MACROD2: variants seen among roughly 807,000 people sequenced by gnomAD.
MACROD2 encodes the protein mono-ADP ribosylhydrolase 2, also known as ADP-ribose glycohydrolase MACROD2.
MACROD2 carries 36 observed loss-of-function variants against 70.4 expected under a neutral mutation model. The observed-to-expected ratio is 0.51, with a 90% CI of 0.39 to 0.68. MACROD2 has a LOEUF of 0.68. Among genes scored for constraint, MACROD2 ranks in the 30% least tolerant of loss-of-function variants. The pLI is 0.00. For synonymous variants in MACROD2, 172 were observed against 178.8 expected, an observed-to-expected ratio of 0.96 and a Z score of 0.30; for missense variants, 496 against 538.4, an observed-to-expected ratio of 0.92 and a Z score of 0.78.
At chr20:14,940,936 C>G (rs2074384506) in intron 5 of MACROD2, among the ~76,000 whole-genome samples, 1 of 146,348 alleles carries the variant, frequency 6.8e-6, no homozygotes, top group Admixed American at 6.7e-5. Context: ...ATTCCCTCTT[C>G]TTTAATTTTT....
intron 6 of MACROD2, among the ~76,000 whole-genome samples, chr20:15,359,000 T>C (rs1381926186): frequency 6.6e-6 from 1 of 152,166 alleles, no homozygotes; most frequent in African/African-American, 2.4e-5. Flanking sequence ...TTTATTCCTC[T>C]TCAACGTGCT....
chr20:14,920,319 G>A (rs1212225478), intron 5 of MACROD2, among the ~76,000 whole-genome samples: 1 of 152,046 alleles, frequency 6.6e-6, no homozygotes, highest in Non-Finnish European at 1.5e-5. Context: ...GGTAATAGTT[G>A]GGTAAAATTG....
At chr20:15,304,688 A>G (rs2077679256) in intron 6 of MACROD2, among the ~76,000 whole-genome samples, 1 of 151,456 alleles carries the variant, frequency 6.6e-6, no homozygotes, top group South Asian at 2.1e-4. Context: ...ACTGCAGACG[A>G]CCCCTTCCCG....
intron 3 of MACROD2, among the ~76,000 whole-genome samples, chr20:14,339,910 T>C (rs2082996136): frequency 6.6e-6 from 1 of 152,214 alleles, no homozygotes; most frequent in African/African-American, 2.4e-5. Flanking sequence ...ATATATACTC[T>C]TTTGCTGCAT....
At chr20:14,087,399 A>T (rs902121159) in intron 3 of MACROD2, among the ~76,000 whole-genome samples, 1 of 151,132 alleles carries the variant, frequency 6.6e-6, no homozygotes, top group Non-Finnish European at 1.5e-5. Context: ...CATGTCTCAA[A>T]AAAAAAAAAA....
intron 5 of MACROD2, among the ~76,000 whole-genome samples, chr20:14,736,513 T>C (rs2071666538): frequency 4.6e-5 from 7 of 152,154 alleles, no homozygotes; most frequent in Admixed American, 4.6e-4. Flanking sequence ...GTTTTTCAAA[T>C]ATATCAGTCA....
At position 14,909,626 on chromosome 20, in the gene MACROD2, TG is replaced by T. The variant is rs544911274; in HGVS notation, c.418+224671del. On this transcript the variant is annotated intron_variant, in intron 5 of 17. Transcript: ENST00000684519. ...GCAAAGAAGCTGTTGAATAAGGAGTTGGGGCTGGAAACTCTGACCTACCTCT... is the reference window on the plus strand; with the variant it reads ...GCAAAGAAGCTGTTGAATAAGGAGTTGGGCTGGAAACTCTGACCTACCTCT... Among the ~76,000 whole-genome samples the T allele has an allele frequency of 2.8e-3, 424 of 152,086 alleles. 1 individual carries two copies. The highest frequency in any genetic ancestry group is 9.7e-3 in the African/African-American group (404 of 41,480).
At chr20:15,366,923 T>G (rs1489625140) in intron 6 of MACROD2, among the ~76,000 whole-genome samples, 1 of 152,154 alleles carries the variant, frequency 6.6e-6, no homozygotes, top group East Asian at 1.9e-4. Flanking sequence ...ATAACTTTCC[T>G]GTTTTGTCTT....
At chr20:14,872,621 G>A (rs1481400037) in intron 5 of MACROD2, among the ~76,000 whole-genome samples, 1 of 152,048 alleles carries the variant, frequency 6.6e-6, no homozygotes, top group Non-Finnish European at 1.5e-5. Flanking sequence ...CATCTTATAG[G>A]ATAATTTTGA....
intron 3 of MACROD2, among the ~76,000 whole-genome samples, chr20:14,346,093 CAAAAAAAAAA>C (rs71190130): frequency 1.9e-3 from 79 of 41,172 alleles, no homozygotes; most frequent in African/African-American, 8.1e-3. Context: ...GATTCTGCCT[CAAAAAAAAAA>C]AAAAAAAAAA....
At chr20:14,695,039 CCTCT>C (rs112334570) in intron 5 of MACROD2, among the ~76,000 whole-genome samples, 2,498 of 150,042 alleles carry the variant, frequency 0.017, 73 homozygotes, top group African/African-American at 0.057. Flanking sequence ...CTGTGGTTTC[CCTCT>C]CTCTCTCTCT....
chr20:14,159,925 T>G (rs1221085360), intron 3 of MACROD2, among the ~76,000 whole-genome samples: 1 of 152,180 alleles, frequency 6.6e-6, no homozygotes, highest in African/African-American at 2.4e-5. Context: ...AGAATTTTTG[T>G]GATGAAGTGG....
At chr20:14,707,140 T>C (rs1782355982) in intron 5 of MACROD2, among the ~76,000 whole-genome samples, 1 of 152,206 alleles carries the variant, frequency 6.6e-6, no homozygotes, top group Middle Eastern at 3.4e-3. Context: ...CTTTGCAGAA[T>C]TGAGTGTAAT....
At chr20:14,298,793 G>T (rs1198816032) in intron 3 of MACROD2, among the ~76,000 whole-genome samples, 1 of 149,062 alleles carries the variant, frequency 6.7e-6, no homozygotes, top group Non-Finnish European at 1.5e-5. Context: ...AAGAGCTCAA[G>T]ATTTCAGGGG....
rs149198212 is a variant in MACROD2, at chr20:14,253,591, T to G, written c.271+167863T>G. Among the ~76,000 whole-genome samples, 130 of 152,230 alleles carry G rather than the reference T, an allele frequency of 8.5e-4. No individual in the cohort carries two copies. In the East Asian group the frequency reaches 0.02, roughly 23 times the overall value. ...AAAATAATGTCCATATATGTTTGAA[T>G]TGTTATTACCTCCAAGCCTGTTCTT... On this transcript the variant is annotated intron_variant, in intron 3 of 17. Transcript: ENST00000684519.
At chr20:15,809,017 CAG>C (rs1262597940) in intron 8 of MACROD2, among the ~76,000 whole-genome samples, 1 of 152,170 alleles carries the variant, frequency 6.6e-6, no homozygotes, top group Non-Finnish European at 1.5e-5. Context: ...AGTGGAGAAA[CAG>C]AGATCACTAA....
intron 3 of MACROD2, among the ~76,000 whole-genome samples, chr20:14,210,663 G>A (rs1044533606): frequency 1.1e-4 from 17 of 152,188 alleles, no homozygotes; most frequent in African/African-American, 3.1e-4. Flanking sequence ...AAAACATAAG[G>A]TTATTCACAT....
At chr20:14,949,915 C>T (rs903376525) in intron 5 of MACROD2, among the ~76,000 whole-genome samples, 4 of 152,062 alleles carry the variant, frequency 2.6e-5, no homozygotes, top group African/African-American at 7.2e-5. Flanking sequence ...TCAAAGAAAC[C>T]AAAAAACTTG....
chr20:14,887,444 G>A lies in MACROD2; in HGVS notation c.418+202485G>A, dbSNP rs554653895. ...GTCTCACTCTGTAACCCAGGCTCAA[G>A]TGCAGTGGCATGATGTCGGCTCAGT... is the stretch of plus-strand genomic sequence containing the variant. On this transcript the variant is annotated intron_variant, in intron 5 of 17. Transcript: ENST00000684519. 3.4e-4 allele frequency among the ~76,000 whole-genome samples: 51 copies of A among 150,414 alleles called. 3 individuals carry two copies. Among genetic ancestry groups the A allele is most frequent in the East Asian group, 1.6e-3 (8 of 5,136 alleles).
Sources: allele counts gnomAD v4.1 joint callset (sites outside exome capture counted in the v4.1 genomes callset), GRCh38; gene constraint gnomAD v4.1.1; transcripts MANE v1.5; gene names NCBI Gene and HGNC (gene_info 2026-07-23, HGNC 2026-07-21).